Variants in GRID1 observed in about 807,000 individuals in gnomAD.
GRID1 encodes the protein glutamate ionotropic receptor delta type subunit 1.
In GRID1, 28 loss-of-function variants were observed where a neutral mutation model predicts 98.0. That is an observed-to-expected ratio of 0.29 (90% CI 0.21 to 0.39). The LOEUF is 0.39. Among genes scored for constraint, GRID1 ranks in the 10% least tolerant of loss-of-function variants. The pLI is 1.00. For missense variants in GRID1, 1,111 were observed against 1,340.5 expected (o/e 0.83, Z 2.67); for synonymous variants, 553 against 538.5 (o/e 1.03, Z -0.37).
intron 2 of GRID1, among the ~76,000 whole-genome samples, chr10:86,211,905 G>T (rs1392798425): frequency 1.3e-5 from 2 of 152,146 alleles, no homozygotes; most frequent in Non-Finnish European, 2.9e-5. Flanking sequence ...AATCCCCAGG[G>T]CACCTCCCGG....
At chr10:85,949,977 T>A (rs1842099360) in intron 4 of GRID1, among the ~76,000 whole-genome samples, 1 of 151,812 alleles carries the variant, frequency 6.6e-6, no homozygotes, top group Admixed American at 6.6e-5. Context: ...GGTGAGTAGA[T>A]GGATGGATAG....
intron 12 of GRID1, among the ~76,000 whole-genome samples, chr10:85,658,166 C>A (rs571390455): frequency 6.6e-6 from 1 of 152,318 alleles, no homozygotes; most frequent in African/African-American, 2.4e-5. Flanking sequence ...GTGCTCCAGA[C>A]AAACAGCCTG....
intron 8 of GRID1, among the ~76,000 whole-genome samples, chr10:85,775,714 T>C (rs1842324398): frequency 6.6e-6 from 1 of 152,172 alleles, no homozygotes; most frequent in African/African-American, 2.4e-5. Flanking sequence ...TTTAAAAATT[T>C]TAAATTTTTT....
Position 86,287,143 on chromosome 10 carries a change from TGGGCACAGGA to T in GRID1, c.235+76788_235+76797del, listed in dbSNP as rs1215287568. 9.8e-5 allele frequency among the ~76,000 whole-genome samples: 15 copies of T among 152,296 alleles called. No homozygotes were observed. In the East Asian group the frequency reaches 2.7e-3, roughly 27 times the overall value. The stretch of plus-strand genomic sequence containing the variant: ...GAGGCACGGAAGTAGATGGAATGCC[TGGGCACAGGA>T]GGTCCCGTGGGGAAGGAGCTGCAGG... On this transcript the variant is annotated intron_variant, in intron 2 of 15. Transcript: ENST00000327946.
intron 3 of GRID1, among the ~76,000 whole-genome samples, chr10:86,172,525 C>T (rs752536368): frequency 9.2e-5 from 14 of 152,242 alleles, no homozygotes; most frequent in African/African-American, 2.6e-4. Context: ...TCCCTCCCAC[C>T]GCAAAGTACT....
intron 2 of GRID1, among the ~76,000 whole-genome samples, chr10:86,292,147 A>G (rs1040264881): frequency 2.0e-5 from 3 of 152,204 alleles, no homozygotes; most frequent in African/African-American, 7.2e-5. Context: ...TGTGCAAGAA[A>G]AAGCACGCAC....
At position 85,632,572 on chromosome 10, in the gene GRID1, T is replaced by A. The variant is rs547053528; in HGVS notation, c.2194-12539A>T. Among the ~76,000 whole-genome samples, 20 of 147,742 alleles carry A rather than the reference T, an allele frequency of 1.4e-4. No homozygotes were observed. In the South Asian group the frequency reaches 2.7e-3, roughly 20 times the overall value. ...CACTGTTAACATATACTTTTTAAGG[T>A]TTTTTTGTTGTTTTGAGATGGAGTC... On this transcript the variant is annotated intron_variant, in intron 13 of 15. Transcript: ENST00000327946.
chr10:86,187,378 G>C (rs189516995), intron 3 of GRID1, among the ~76,000 whole-genome samples: 1 of 152,206 alleles, frequency 6.6e-6, no homozygotes, highest in South Asian at 2.1e-4. Flanking sequence ...GAGACATTGA[G>C]TACCTCACCC....
At chr10:86,309,324 C>A (rs1222246566) in intron 2 of GRID1, among the ~76,000 whole-genome samples, 1 of 152,120 alleles carries the variant, frequency 6.6e-6, no homozygotes, top group African/African-American at 2.4e-5. Context: ...ACTAATGATA[C>A]AATAATTAAC....
chr10:86,058,337 G>A (rs1014093117), intron 4 of GRID1, among the ~76,000 whole-genome samples: 1 of 152,164 alleles, frequency 6.6e-6, no homozygotes, highest in Non-Finnish European at 1.5e-5. Context: ...CAGGCATGCT[G>A]ACATGAGAGC....
At chr10:85,850,154 G>A (rs1843044672) in intron 8 of GRID1, among the ~76,000 whole-genome samples, 1 of 152,146 alleles carries the variant, frequency 6.6e-6, no homozygotes, top group Non-Finnish European at 1.5e-5. Flanking sequence ...GCGAGCAGTT[G>A]GCAATTCTCC....
At chr10:86,060,038 G>A (rs761123435) in intron 4 of GRID1, among the ~76,000 whole-genome samples, 21 of 152,192 alleles carry the variant, frequency 1.4e-4, no homozygotes, top group Non-Finnish European at 2.9e-4. Flanking sequence ...GGAAAATTGT[G>A]TTCAATGCTA....
At chr10:85,656,329 T>A (rs1840894652) in intron 12 of GRID1, among the ~76,000 whole-genome samples, 2 of 152,196 alleles carry the variant, frequency 1.3e-5, no homozygotes, top group Admixed American at 1.3e-4. Flanking sequence ...CATTTCCTAA[T>A]TCTTCTTTCT....
At chr10:86,285,469 T>A (rs1370746409) in intron 2 of GRID1, among the ~76,000 whole-genome samples, 5 of 152,202 alleles carry the variant, frequency 3.3e-5, no homozygotes, top group African/African-American at 1.2e-4. Flanking sequence ...GCGCAGCTTC[T>A]CATCAACATG....
chr10:86,130,980 C>T (rs912239596), intron 4 of GRID1, among the ~76,000 whole-genome samples: 3 of 152,196 alleles, frequency 2.0e-5, no homozygotes, highest in South Asian at 2.1e-4. Context: ...AAAGGAGCCA[C>T]GTCCCTATCA....
chr10:86,366,306 G>T lies in GRID1; in HGVS notation c.79+8C>A, dbSNP rs1458278418. On this transcript the variant is annotated splice_region_variant and intron_variant, in intron 1 of 15. Coordinates refer to ENST00000327946, the MANE Select transcript of GRID1 (RefSeq NM_017551.3). The surrounding 1 kb of genome is among the most constrained non-coding windows in gnomAD (Gnocchi z 4.1). ...CCCAGCCTCGGCCCGGCCTCCAGCCGCGCTTACCGATGTGGATGATGGAGT... is the reference window on the plus strand; with the variant it reads ...CCCAGCCTCGGCCCGGCCTCCAGCCTCGCTTACCGATGTGGATGATGGAGT... 6.7e-7 allele frequency: 1 copy of T among 1,488,750 alleles called. No homozygotes were observed. Among genetic ancestry groups the T allele is most frequent in the Non-Finnish European group, 9.0e-7 (1 of 1,115,654 alleles). The allele number at this position is 1,488,750 out of a possible 1,614,324, so 92.2% of individuals were successfully genotyped here.
chr10:86,000,854 C>G lies in GRID1; in HGVS notation c.727-84615G>C, dbSNP rs573243789. On this transcript the variant is annotated intron_variant, in intron 4 of 15. Transcript: ENST00000327946. ...CTTACCATACAACTAAGCAAACCCA[C>G]TCCTGGGTGTTACTCAACAAGAATA... Among the ~76,000 whole-genome samples, 5 of 152,266 alleles carry G rather than the reference C, an allele frequency of 3.3e-5. No individual in the cohort carries two copies. The East Asian group carries it at 9.6e-4, about 29-fold the overall frequency.
At chr10:85,636,014 C>T (rs1200412040) in intron 13 of GRID1, among the ~76,000 whole-genome samples, 1 of 152,192 alleles carries the variant, frequency 6.6e-6, no homozygotes, top group African/African-American at 2.4e-5. Context: ...ACTTCAGTTT[C>T]CTCATTAATG....
At chr10:86,290,653 A>AAAAATAAAAT (rs55827038) in intron 2 of GRID1, among the ~76,000 whole-genome samples, 7 of 149,600 alleles carry the variant, frequency 4.7e-5, no homozygotes, top group East Asian at 2.0e-4. Context: ...ACTCTGTCTC[A>AAAAATAAAAT]AAAATAAAAT....
Sources: gnomAD v4.1 joint callset for allele counts (sites outside exome capture counted in the v4.1 genomes callset) on GRCh38, gnomAD v4.1.1 for gene constraint, Gnocchi (gnomAD v3.1) non-coding constraint, MANE v1.5 for transcripts, NCBI Gene and HGNC (gene_info 2026-07-23, HGNC 2026-07-21) for gene names.